Variants in GLB1L3 observed in about 807,000 individuals in gnomAD.
GLB1L3 encodes galactosidase beta 1 like 3.
GLB1L3 carries 89 observed loss-of-function variants against 89.5 expected under a neutral mutation model. The observed-to-expected ratio is 0.99, with a 90% CI of 0.84 to 1.19. GLB1L3 has a LOEUF of 1.19. Among genes scored for constraint, GLB1L3 ranks in the 50% most tolerant of loss-of-function variants. The pLI is 0.00. For synonymous variants in GLB1L3, 314 were observed against 312.3 expected (o/e 1.01, Z -0.06); for missense variants, 812 against 813.3 (o/e 1.00, Z 0.02).
At chr11:134,277,620 A>G (rs998724316) in intron 2 of GLB1L3, 80 bp from the exon 3 acceptor site, 2 of 1,528,934 alleles carry the variant, frequency 1.3e-6, no homozygotes, top group East Asian at 4.7e-5. Context: ...TCTTTTCGCT[A>G]GGGTTTCAGC....
At chr11:134,308,413 CCACCATCAT>C (rs1942438648) in intron 10 of GLB1L3, among the ~76,000 whole-genome samples, 2 of 37,140 alleles carry the variant, frequency 5.4e-5, no homozygotes, top group African/African-American at 2.0e-4. Flanking sequence ...ATCACCACCA[CCACCATCAT>C]CACCATCACC....
At chr11:134,307,011 G>A in intron 9 of GLB1L3, 113 bp from the exon 10 acceptor site, 1 of 699,434 alleles carries the variant, frequency 1.4e-6, no homozygotes, top group Non-Finnish European at 2.4e-6. Flanking sequence ...GCTCTGAATT[G>A]GGAAAAAGGA....
At chr11:134,312,586 G>A (rs1241041715) in intron 14 of GLB1L3, 97 bp downstream of exon 14, 2 of 1,445,680 alleles carry the variant, frequency 1.4e-6, no homozygotes, top group Non-Finnish European at 1.9e-6. Flanking sequence ...TTGCTGTTTG[G>A]TGACCTACTA....
At chr11:134,320,664 C>T (rs946792923), downstream of GLB1L3, among the ~76,000 whole-genome samples, 1 of 151,724 alleles carries the variant, frequency 6.6e-6, no homozygotes. Context: ...AGATATAATG[C>T]TTTCAGTGCA....
At chr11:134,277,622 G>A in intron 2 of GLB1L3, 78 bp from the exon 3 acceptor site, 2 of 1,530,316 alleles carry the variant, frequency 1.3e-6, no homozygotes, top group South Asian at 1.2e-5. Context: ...TTTTCGCTAG[G>A]GTTTCAGCCG....
At chr11:134,313,303 T>C (rs1457123824) in intron 15 of GLB1L3, 93 bp from the exon 16 acceptor site, 1 of 884,886 alleles carries the variant, frequency 1.1e-6, no homozygotes, top group African/African-American at 1.7e-5. Context: ...TTCTCCCATG[T>C]GTCTCTCCAT....
At chr11:134,294,285 C>T (rs1442066103) in intron 9 of GLB1L3, among the ~76,000 whole-genome samples, 1 of 152,140 alleles carries the variant, frequency 6.6e-6, no homozygotes, top group African/African-American at 2.4e-5. Context: ...CCAGGTTGGT[C>T]TCAAACTCCT....
intron 19 of GLB1L3, 61 bp downstream of exon 19, chr11:134,318,808 C>G: frequency 6.5e-7 from 1 of 1,531,646 alleles, no homozygotes; most frequent in Non-Finnish European, 9.0e-7. Flanking sequence ...ATGTGAGTTG[C>G]AGTGTCTTTT....
chr11:134,312,028 C>G (rs541554526), intron 13 of GLB1L3: 2 of 222,920 alleles, frequency 9.0e-6, no homozygotes, highest in African/African-American at 4.6e-5. Flanking sequence ...AACTCCTGGC[C>G]TCAAGTGATG....
chr11:134,308,785 A>G (rs1352268713), intron 10 of GLB1L3, among the ~76,000 whole-genome samples: 1 of 152,212 alleles, frequency 6.6e-6, no homozygotes, highest in Non-Finnish European at 1.5e-5. Context: ...CATCAGTCCC[A>G]TGATATAGCT....
chr11:134,292,549 A>G, intron 8 of GLB1L3: 1 of 223,514 alleles, frequency 4.5e-6, no homozygotes, highest in Non-Finnish European at 8.9e-6. Context: ...GGCCATCTCC[A>G]CTAACTTGGG....
chr11:134,308,152 C>T (rs1193302904), intron 10 of GLB1L3, among the ~76,000 whole-genome samples: 2 of 132,288 alleles, frequency 1.5e-5, no homozygotes, highest in African/African-American at 2.9e-5. Context: ...TCACCATCAT[C>T]ACCAACACCA....
chr11:134,290,873 C>T (rs1276138023), intron 7 of GLB1L3, among the ~76,000 whole-genome samples: 1 of 152,094 alleles, frequency 6.6e-6, no homozygotes, highest in Non-Finnish European at 1.5e-5. Flanking sequence ...TGGTCTTCTT[C>T]CTCTTCTTTC....
At chr11:134,280,260 T>C (rs947404165) in intron 3 of GLB1L3, among the ~76,000 whole-genome samples, 1 of 152,154 alleles carries the variant, frequency 6.6e-6, no homozygotes, top group Non-Finnish European at 1.5e-5. Flanking sequence ...CTATGTGATA[T>C]AGGTTTTTGG....
downstream of GLB1L3, among the ~76,000 whole-genome samples, chr11:134,321,769 T>G (rs1362659344): frequency 6.7e-6 from 1 of 149,574 alleles, no homozygotes; most frequent in East Asian, 1.9e-4. Context: ...GGGCCTGTCA[T>G]GGGGTGGGGG....
Position 134,310,647 on chromosome 11 carries a change from C to G in GLB1L3, c.1176C>G (p.Val392=), listed in dbSNP as rs375107914. 297 of 1,610,582 alleles carry G rather than the reference C, an allele frequency of 1.8e-4. No homozygotes were observed. The African/African-American group carries it at 2.3e-3, about 12-fold the overall frequency. The change falls in exon 12 of 20, where the codon GTC becomes GTG. Residue 392 remains valine (V), a synonymous_variant. Coordinates refer to ENST00000431683, the MANE Select transcript of GLB1L3 (RefSeq NM_001080407.3). ...YLKLQKLFQS[V]SATPLPRVPK... ...AGCTTCAAAAACTCTTTCAATCTGT[C>G]TCAGGTACTCAGCACCCATTTAACT... is the stretch of plus-strand genomic sequence containing the variant.
chr11:134,283,945 C>T (rs1940846862), intron 6 of GLB1L3, 100 bp downstream of exon 6: 3 of 709,662 alleles, frequency 4.2e-6, no homozygotes, highest in South Asian at 1.7e-5. Context: ...TCTCCATGAA[C>T]AATTGAGTTG....
At chr11:134,303,112 T>C (rs1342894345) in intron 9 of GLB1L3, among the ~76,000 whole-genome samples, 2 of 152,228 alleles carry the variant, frequency 1.3e-5, no homozygotes, top group East Asian at 3.8e-4. Context: ...GTATTGCTTT[T>C]TGTCTTAAGG....
At chr11:134,285,257 C>T (rs1940916554) in intron 6 of GLB1L3, among the ~76,000 whole-genome samples, 1 of 151,988 alleles carries the variant, frequency 6.6e-6, no homozygotes, top group Non-Finnish European at 1.5e-5. Context: ...GTACCCAGAC[C>T]TCATGCACTT....
Sources: gnomAD v4.1 joint callset for allele counts (sites outside exome capture counted in the v4.1 genomes callset) on GRCh38, gnomAD v4.1.1 for gene constraint, MANE v1.5 for transcripts, NCBI Gene and HGNC (gene_info 2026-07-23, HGNC 2026-07-21) for gene names.